The following SEPTIN9 variants were observed in gnomAD, a reference collection of about 807,000 sequenced individuals.
SEPTIN9 encodes the protein septin 9.
Under a neutral mutation model 56.6 loss-of-function variants are expected in SEPTIN9, and 13 were observed. That is an observed-to-expected ratio of 0.23 (90% CI 0.15 to 0.37). The LOEUF (loss-of-function observed/expected upper bound fraction) is 0.37. Ranked by LOEUF, SEPTIN9 falls within the 10% of genes least tolerant of loss-of-function variation. The pLI is 1.00. For synonymous variants in SEPTIN9, 332 were observed against 334.1 expected (o/e 0.99, Z 0.07); for missense variants, 650 against 823.1 (o/e 0.79, Z 2.57).
chr17:77,485,321 T>C (rs1262227525), intron 4 of SEPTIN9, among the ~76,000 whole-genome samples: 1 of 120,602 alleles, frequency 8.3e-6, no homozygotes, highest in African/African-American at 3.5e-5. Flanking sequence ...GTGGTGGTGA[T>C]AGTGATGGGG....
rs368635568 is a variant in SEPTIN9, at chr17:77,323,545, G to A, written c.76+16348G>A. Among the ~76,000 whole-genome samples, 6 of 152,252 alleles carry A rather than the reference G, an allele frequency of 3.9e-5. No individual in the cohort carries two copies. Among genetic ancestry groups the A allele is most frequent in the East Asian group, 1.9e-4 (1 of 5,168 alleles). ...GGGGTCCTGGAGGGGGCTTGGCCAC[G>A]CTGTCGCTGGACGTCTGTCCCCACC... On this transcript the variant is annotated intron_variant, in intron 2 of 11. Coordinates refer to ENST00000427177, the MANE Select transcript of SEPTIN9 (RefSeq NM_001113491.2). This position sits in a 1 kb window ranked among gnomAD's most constrained non-coding sequence, Gnocchi z 6.8.
In SEPTIN9 at chr17:77,326,067, T is replaced by C. The variant is rs1413858514; in HGVS notation, c.76+18870T>C. Among the ~76,000 whole-genome samples, 3 of 152,122 alleles carry C rather than the reference T, an allele frequency of 2.0e-5. No individual in the cohort carries two copies. Among genetic ancestry groups the C allele is most frequent in the Admixed American group, 6.5e-5 (1 of 15,276 alleles). ...CCCCTGGAAGCACTTGCCATCCTTATACAGCACCCCACACCCACCTCCCCG... is the reference window on the plus strand; with the variant it reads ...CCCCTGGAAGCACTTGCCATCCTTACACAGCACCCCACACCCACCTCCCCG... On this transcript the variant is annotated intron_variant, in intron 2 of 11. Coordinates refer to ENST00000427177, the MANE Select transcript of SEPTIN9 (RefSeq NM_001113491.2). This position sits in a 1 kb window ranked among gnomAD's most constrained non-coding sequence, Gnocchi z 5.1.
rs1170576365 is a variant in SEPTIN9, at chr17:77,436,865, G to GT, written c.721+34163dup. On this transcript the variant is annotated intron_variant, in intron 3 of 11. Transcript: ENST00000427177. This position sits in a 1 kb window ranked among gnomAD's most constrained non-coding sequence, Gnocchi z 4.4. Reference sequence around the variant, plus strand: ...TTGGGGCACAGCATAAAGAACAGCCGTAAGTGTTTCTCAGGCAGGAGGGTG... The same window carrying GT: ...TTGGGGCACAGCATAAAGAACAGCCGTTAAGTGTTTCTCAGGCAGGAGGGTG... Among the ~76,000 whole-genome samples the GT allele has an allele frequency of 1.3e-5, 2 of 152,250 alleles. No individual in the cohort carries two copies. The highest frequency in any genetic ancestry group is 2.4e-5 in the African/African-American group (1 of 41,464).
intron 3 of SEPTIN9, among the ~76,000 whole-genome samples, chr17:77,471,207 C>T (rs191981827): frequency 2.0e-5 from 3 of 152,308 alleles, no homozygotes; most frequent in Admixed American, 2.0e-4. Flanking sequence ...ATGTCTTTCT[C>T]CCTCCTGAAG....
Position 77,305,156 on chromosome 17 carries a change from G to A in SEPTIN9, c.20-1985G>A, listed in dbSNP as rs183646408. ...GGCCAGGAACCCCTGGGTTTTCCTGGTGGGGTTTTTGTTGCTTAGCAGTGA... is the reference window on the plus strand; with the variant it reads ...GGCCAGGAACCCCTGGGTTTTCCTGATGGGGTTTTTGTTGCTTAGCAGTGA... On this transcript the variant is annotated intron_variant, in intron 1 of 11. Transcript: ENST00000427177. Among the ~76,000 whole-genome samples the A allele has an allele frequency of 2.6e-5, 4 of 152,246 alleles. No homozygotes were observed. The East Asian group carries it at 7.7e-4, about 29-fold the overall frequency.
At chr17:77,412,129 CAAAAAA>C (rs756030644) in intron 3 of SEPTIN9, among the ~76,000 whole-genome samples, 25 of 67,398 alleles carry the variant, frequency 3.7e-4, no homozygotes, top group South Asian at 1.3e-3. Flanking sequence ...GACTCCCTAT[CAAAAAA>C]AAAAAAAAAA....
chr17:77,390,731 G>A (rs543529841), intron 2 of SEPTIN9, among the ~76,000 whole-genome samples: 3 of 152,294 alleles, frequency 2.0e-5, no homozygotes, highest in East Asian at 3.9e-4. Flanking sequence ...GATTACAGGC[G>A]TGAGCCGCCG....
At chr17:77,490,090 G>C (rs1371559834) in intron 7 of SEPTIN9, among the ~76,000 whole-genome samples, 2 of 152,276 alleles carry the variant, frequency 1.3e-5, no homozygotes, top group Non-Finnish European at 2.9e-5. Context: ...AGTCCCATGG[G>C]GCAGGGGCGG....
Position 77,497,978 on chromosome 17 carries a change from T to C in SEPTIN9, c.1626-545T>C, listed in dbSNP as rs369278354. ...GGGAGCCGTTCTGCCATTGTGGGGA[T>C]ACTGGGCTTTCCAACCTCCCTCCAG... On this transcript the variant is annotated intron_variant, in intron 11 of 11. Transcript: ENST00000427177. 9.2e-5 allele frequency among the ~76,000 whole-genome samples: 14 copies of C among 152,214 alleles called. 1 individual carries two copies. Among genetic ancestry groups the C allele is most frequent in the Admixed American group, 3.9e-4 (6 of 15,298 alleles).
intron 3 of SEPTIN9, among the ~76,000 whole-genome samples, chr17:77,410,552 T>C (rs2036257845): frequency 6.6e-6 from 1 of 152,240 alleles, no homozygotes; most frequent in South Asian, 2.1e-4. Flanking sequence ...GCACCGGCTT[T>C]GCCCTCACAC....
intron 3 of SEPTIN9, among the ~76,000 whole-genome samples, chr17:77,459,012 G>A (rs1411441152): frequency 6.6e-6 from 1 of 152,206 alleles, no homozygotes; most frequent in African/African-American, 2.4e-5. Flanking sequence ...AGGGCCTTGG[G>A]GGCCATGGGC....
At chr17:77,448,212 C>A (rs902064681) in intron 3 of SEPTIN9, among the ~76,000 whole-genome samples, 1 of 152,126 alleles carries the variant, frequency 6.6e-6, no homozygotes, top group Admixed American at 6.5e-5. Flanking sequence ...GTGGCTCACG[C>A]GTGTAATCTC....
chr17:77,469,379 C>T (rs1368575728), intron 3 of SEPTIN9: 1 of 152,502 alleles, frequency 6.6e-6, no homozygotes, highest in Non-Finnish European at 1.5e-5. Context: ...GGTCGTCATT[C>T]CCTGCAGCTA....
At chr17:77,346,235 C>G (rs1167036015) in intron 2 of SEPTIN9, among the ~76,000 whole-genome samples, 1 of 146,554 alleles carries the variant, frequency 6.8e-6, no homozygotes, top group Non-Finnish European at 1.5e-5. Flanking sequence ...AGCTACACTG[C>G]ACCTGGCCCA....
chr17:77,490,686 GC>G (rs562171581), intron 7 of SEPTIN9, 55 bp from the exon 8 acceptor site: 9 of 1,325,230 alleles, frequency 6.8e-6, no homozygotes, highest in African/African-American at 4.4e-5. Context: ...GGGGGTGGGT[GC>G]CCCCCCACTG....
chr17:77,358,203 C>T (rs573582591), intron 2 of SEPTIN9, among the ~76,000 whole-genome samples: 10 of 152,238 alleles, frequency 6.6e-5, no homozygotes, highest in Non-Finnish European at 1.5e-4. Context: ...GGCCTCAGCA[C>T]CTGGCGATGT....
chr17:77,325,086 C>G (rs1239902486), intron 2 of SEPTIN9, among the ~76,000 whole-genome samples: 2 of 152,178 alleles, frequency 1.3e-5, no homozygotes, highest in East Asian at 1.9e-4. Flanking sequence ...CCCAAAGTGC[C>G]GGAGTTACAG....
At chr17:77,290,386 T>C (rs564915985) in intron 1 of SEPTIN9, among the ~76,000 whole-genome samples, 1 of 151,564 alleles carries the variant, frequency 6.6e-6, no homozygotes, top group Non-Finnish European at 1.5e-5. Context: ...GCATCCCGCA[T>C]AGCTGGGACT....
chr17:77,303,090 G>A (rs1234720403), intron 1 of SEPTIN9, among the ~76,000 whole-genome samples: 5 of 151,836 alleles, frequency 3.3e-5, no homozygotes, highest in Non-Finnish European at 7.4e-5. Context: ...GTCAAAGTGT[G>A]TTTTATTTAT....
Sources: gnomAD v4.1 joint callset for allele counts (sites outside exome capture counted in the v4.1 genomes callset) on GRCh38, gnomAD v4.1.1 for gene constraint, Gnocchi (gnomAD v3.1) non-coding constraint, MANE v1.5 for transcripts, NCBI Gene and HGNC (gene_info 2026-07-23, HGNC 2026-07-21) for gene names.